The following CACNA2D3 variants were observed in gnomAD, a reference collection of about 807,000 sequenced individuals.
CACNA2D3 encodes the protein voltage-dependent calcium channel subunit alpha-2/delta-3.
In CACNA2D3, 60 loss-of-function variants were observed where a neutral mutation model predicts 160.6. That is an observed-to-expected ratio of 0.37 (90% CI 0.30 to 0.46). The LOEUF (loss-of-function observed/expected upper bound fraction) is 0.46, where lower values mean the gene tolerates loss of function less well. CACNA2D3 is among the 20% of genes least tolerant of loss of function. The pLI, the probability that CACNA2D3 is intolerant of heterozygous loss-of-function variation, is 1.00. For missense variants in CACNA2D3, 1,205 were observed against 1,365.0 expected (o/e 0.88, Z 1.85); for synonymous variants, 558 against 492.9 (o/e 1.13, Z -1.75).
intron 35 of CACNA2D3, among the ~76,000 whole-genome samples, chr3:55,022,962 T>C (rs1403078220): frequency 6.6e-6 from 1 of 152,116 alleles, no homozygotes; most frequent in African/African-American, 2.4e-5. Flanking sequence ...CATGTTTACC[T>C]GCATTTTTTA....
At chr3:54,278,361 A>C (rs910995401) in intron 2 of CACNA2D3, among the ~76,000 whole-genome samples, 3 of 152,230 alleles carry the variant, frequency 2.0e-5, no homozygotes, top group African/African-American at 7.2e-5. Flanking sequence ...GAGGATGTGG[A>C]GAAATAGGAA....
intron 3 of CACNA2D3, among the ~76,000 whole-genome samples, chr3:54,384,824 A>G (rs1329508367): frequency 6.6e-6 from 1 of 151,944 alleles, no homozygotes; most frequent in African/African-American, 2.4e-5. Context: ...GGTTCAAGTG[A>G]TTCTCCTGCC....
At chr3:54,215,617 C>T (rs748772752) in intron 2 of CACNA2D3, among the ~76,000 whole-genome samples, 15 of 152,028 alleles carry the variant, frequency 9.9e-5, no homozygotes, top group Admixed American at 2.0e-4. Context: ...AAGTGAACGG[C>T]GATGTGAGGG....
chr3:54,154,833 C>T (rs1293010220), intron 2 of CACNA2D3, among the ~76,000 whole-genome samples: 1 of 152,192 alleles, frequency 6.6e-6, no homozygotes, highest in Non-Finnish European at 1.5e-5. Flanking sequence ...CTGCGATTGC[C>T]TCTTTCTCCT....
chr3:54,737,182 A>G (rs867479897), intron 11 of CACNA2D3, among the ~76,000 whole-genome samples: 29 of 147,590 alleles, frequency 2.0e-4, no homozygotes, highest in South Asian at 8.9e-4. Context: ...CCATGTGTAT[A>G]TGTGTGTGTG....
chr3:55,010,529 C>T (rs748312159), intron 34 of CACNA2D3, among the ~76,000 whole-genome samples: 2 of 152,196 alleles, frequency 1.3e-5, no homozygotes, highest in African/African-American at 2.4e-5. Flanking sequence ...CTGCCCCAGG[C>T]CTGCCCACTC....
intron 11 of CACNA2D3, among the ~76,000 whole-genome samples, chr3:54,751,065 C>T (rs1701848371): frequency 1.3e-5 from 2 of 152,022 alleles, no homozygotes; most frequent in African/African-American, 4.8e-5. Flanking sequence ...CCACTGCGCT[C>T]AGCTGGATCT....
intron 27 of CACNA2D3, among the ~76,000 whole-genome samples, chr3:54,959,728 T>C (rs1425254648): frequency 2.0e-5 from 3 of 152,184 alleles, no homozygotes; most frequent in African/African-American, 7.2e-5. Context: ...TCTGAAAGGT[T>C]GAAAGGGTGG....
intron 5 of CACNA2D3, among the ~76,000 whole-genome samples, chr3:54,528,502 C>T (rs1196945996): frequency 7.9e-5 from 12 of 152,006 alleles, no homozygotes; most frequent in Admixed American, 7.9e-4. Flanking sequence ...CATAAAAGCC[C>T]AATGGAAATG....
At position 54,394,624 on chromosome 3, in the gene CACNA2D3, C is replaced by A. The variant is rs1409016103; in HGVS notation, c.381+7850C>A. 2.5e-5 allele frequency among the ~76,000 whole-genome samples: 3 copies of A among 120,464 alleles called. 1 individual carries two copies. Among genetic ancestry groups the A allele is most frequent in the Non-Finnish European group, 5.1e-5 (3 of 58,518 alleles). The allele number at this position is 120,464 out of a possible 152,430, so 79.0% of individuals were successfully genotyped here. ...TGAGAATGATGGTTTCCATCCATGTCCCTACAAAGGACATGAACTCATCAT... is the reference window on the plus strand; with the variant it reads ...TGAGAATGATGGTTTCCATCCATGTACCTACAAAGGACATGAACTCATCAT... On this transcript the variant is annotated intron_variant, in intron 4 of 37. Transcript: ENST00000474759.
At chr3:54,386,329 AAAGTTG>A (rs1295706553) in intron 3 of CACNA2D3, among the ~76,000 whole-genome samples, 3 of 152,222 alleles carry the variant, frequency 2.0e-5, no homozygotes, top group African/African-American at 7.2e-5. Flanking sequence ...TAGCCCACTT[AAAGTTG>A]GACTCAATTC....
chr3:54,534,096 C>T (rs1197484711), intron 5 of CACNA2D3, among the ~76,000 whole-genome samples: 1 of 152,164 alleles, frequency 6.6e-6, no homozygotes, highest in Non-Finnish European at 1.5e-5. Flanking sequence ...GCACGCTCTT[C>T]TGGTGACCAC....
intron 11 of CACNA2D3, among the ~76,000 whole-genome samples, chr3:54,736,109 G>GTATGTGTA (rs1429724630): frequency 5.0e-5 from 1 of 20,080 alleles, no homozygotes; most frequent in African/African-American, 1.5e-4. Flanking sequence ...ACATATATAT[G>GTATGTGTA]TATATATATA....
intron 3 of CACNA2D3, among the ~76,000 whole-genome samples, chr3:54,375,098 G>C (rs891836250): frequency 7.9e-5 from 12 of 152,148 alleles, no homozygotes; most frequent in African/African-American, 2.9e-4. Flanking sequence ...TCAGGTCTCA[G>C]TGTAGATGAG....
chr3:54,206,301 C>T (rs1482066373), intron 2 of CACNA2D3, among the ~76,000 whole-genome samples: 1 of 152,124 alleles, frequency 6.6e-6, no homozygotes, highest in Non-Finnish European at 1.5e-5. Flanking sequence ...CACTGAGAAA[C>T]GGTGGCTCTG....
At chr3:54,124,205 A>G (rs1253675569) in intron 2 of CACNA2D3, among the ~76,000 whole-genome samples, 1 of 152,220 alleles carries the variant, frequency 6.6e-6, no homozygotes, top group East Asian at 1.9e-4. Context: ...ATGGGTCTGC[A>G]TCCATGTAAT....
Position 54,993,840 on chromosome 3 carries a change from GTC to G in CACNA2D3, c.2690+6101_2690+6102del, listed in dbSNP as rs1210842654. ...ATCTTTCATGGCCATTGTCTTATCT[GTC>G]TCTCTCTCTCTCTTTTTTTTTTTTT... On this transcript the variant is annotated intron_variant, in intron 31 of 37. Transcript: ENST00000474759. 1.5e-3 allele frequency among the ~76,000 whole-genome samples: 212 copies of G among 145,656 alleles called. 2 individuals carry two copies. Among genetic ancestry groups the G allele is most frequent in the African/African-American group, 4.4e-3 (171 of 39,150 alleles).
At chr3:54,185,044 T>G (rs1700856870) in intron 2 of CACNA2D3, among the ~76,000 whole-genome samples, 1 of 152,214 alleles carries the variant, frequency 6.6e-6, no homozygotes, top group Non-Finnish European at 1.5e-5. Context: ...TTGTGTATGT[T>G]TCCTGTAAGT....
Position 54,389,200 on chromosome 3 carries a change from C to T in CACNA2D3, c.381+2426C>T, listed in dbSNP as rs567038028. On this transcript the variant is annotated intron_variant, in intron 4 of 37. Transcript: ENST00000474759. ...ATCCCAGCTACTCAGTAGGCTGAGA[C>T]AGGAGAATCGCTTGAAGCTGGGAGG... 2.6e-5 allele frequency among the ~76,000 whole-genome samples: 4 copies of T among 151,790 alleles called. 1 individual carries two copies. In the South Asian group the frequency reaches 8.3e-4, roughly 32 times the overall value.
Sources: gnomAD v4.1 joint callset for allele counts (sites outside exome capture counted in the v4.1 genomes callset) on GRCh38, gnomAD v4.1.1 for gene constraint, MANE v1.5 for transcripts, NCBI Gene and HGNC (gene_info 2026-07-23, HGNC 2026-07-21) for gene names.